POMP: variants seen among roughly 807,000 people sequenced by gnomAD.
POMP encodes proteasome maturation protein, also known as 2510048O06Rik.
POMP carries 12 observed loss-of-function variants against 20.6 expected under a neutral mutation model. The observed-to-expected ratio is 0.58, with a 90% confidence interval of 0.37 to 0.94. The LOEUF (loss-of-function observed/expected upper bound fraction) is 0.94. POMP is among the 40% of genes least tolerant of loss of function. POMP has a pLI of 0.01. For missense variants in POMP, 136 were observed against 161.1 expected (o/e 0.84, Z 0.84); for synonymous variants, 53 against 55.0 (o/e 0.96, Z 0.16).
chr13:28,659,542 G>A (rs1490476526), intron 1 of POMP, among the ~76,000 whole-genome samples: 1 of 152,104 alleles, frequency 6.6e-6, no homozygotes, highest in Non-Finnish European at 1.5e-5. Context: ...TGGCGCTGGC[G>A]ACCCTTTCCT....
At chr13:28,677,990 CTT>C (rs1566111772) in intron 5 of POMP, 43 bp from the exon 6 acceptor site, 2 of 1,574,614 alleles carry the variant, frequency 1.3e-6, no homozygotes, top group Admixed American at 1.7e-5. Flanking sequence ...GAATGTATCT[CTT>C]TTTTGAGAGT....
At chr13:28,669,906 G>C (rs142394003) in intron 4 of POMP, among the ~76,000 whole-genome samples, 174 of 152,168 alleles carry the variant, frequency 1.1e-3, no homozygotes, top group African/African-American at 4.0e-3. Flanking sequence ...AGGTGTTCAA[G>C]ACCAGCCTGG....
intron 4 of POMP, among the ~76,000 whole-genome samples, chr13:28,669,469 G>A (rs569545665): frequency 6.6e-6 from 1 of 152,176 alleles, no homozygotes; most frequent in African/African-American, 2.4e-5. Context: ...TCAAACTCCT[G>A]GGCTCAAGCA....
intron 5 of POMP, among the ~76,000 whole-genome samples, chr13:28,675,899 T>C (rs1363240150): frequency 6.6e-6 from 1 of 152,090 alleles, no homozygotes; most frequent in African/African-American, 2.4e-5. Context: ...CCAGAACTTG[T>C]GTGAACTCAG....
intron 4 of POMP, among the ~76,000 whole-genome samples, chr13:28,669,753 C>T (rs1481870915): frequency 6.6e-6 from 1 of 152,114 alleles, no homozygotes; most frequent in Admixed American, 6.5e-5. Context: ...TGTTAGTGCC[C>T]CATCTCTAGT....
At chr13:28,667,839 G>A (rs1884475535) in intron 3 of POMP, among the ~76,000 whole-genome samples, 1 of 152,160 alleles carries the variant, frequency 6.6e-6, no homozygotes, top group Non-Finnish European at 1.5e-5. Flanking sequence ...CATTTTGCCT[G>A]AAATACATTA....
chr13:28,662,525 G>T lies in POMP; in HGVS notation c.101+18G>T. On this transcript the variant is annotated intron_variant, in intron 2 of 5. Coordinates refer to ENST00000380842, the MANE Select transcript of POMP (RefSeq NM_015932.6). ...CGGAAAGGGTATATGGGGGAGTTAT[G>T]ACTTTGATTTTGTTATGTTTCTGTG... The T allele has an allele frequency of 6.4e-7, 1 of 1,563,030 alleles. No individual in the cohort carries two copies. The highest frequency in any genetic ancestry group is 1.1e-5 in the South Asian group (1 of 89,942).
At chr13:28,672,639 G>A (rs958520675) in intron 5 of POMP, among the ~76,000 whole-genome samples, 5 of 152,098 alleles carry the variant, frequency 3.3e-5, no homozygotes, top group African/African-American at 1.2e-4. Context: ...TGGCTCACGT[G>A]TAATCCCAGC....
intron 1 of POMP, 90 bp from the exon 2 acceptor site, chr13:28,662,320 C>T: frequency 1.1e-6 from 1 of 932,000 alleles, no homozygotes; most frequent in Non-Finnish European, 1.7e-6. Context: ...ATTTTTCTGT[C>T]TCCTACTTAA....
At chr13:28,672,205 A>G (rs1006663136) in intron 4 of POMP, 134 bp from the exon 5 acceptor site, 24 of 725,456 alleles carry the variant, frequency 3.3e-5, no homozygotes, top group Non-Finnish European at 4.4e-5. Context: ...GTTTTTTTCC[A>G]CTTGTTAAAT....
intron 4 of POMP, 41 bp from the exon 5 acceptor site, chr13:28,672,298 G>A: frequency 7.0e-7 from 1 of 1,427,358 alleles, no homozygotes; most frequent in Non-Finnish European, 9.9e-7. Context: ...ATTTTCCCCT[G>A]AGTTTTTTCT....
At chr13:28,672,489 T>A (rs1884566629) in intron 5 of POMP, 57 bp downstream of exon 5, 2 of 1,352,816 alleles carry the variant, frequency 1.5e-6, no homozygotes, top group Non-Finnish European at 2.1e-6. Context: ...GGCAAACAGC[T>A]GCAAAAAGAA....
At chr13:28,674,096 A>C (rs1771187) in intron 5 of POMP, among the ~76,000 whole-genome samples, 6,766 of 152,300 alleles carry the variant, frequency 0.044, 506 homozygotes, top group African/African-American at 0.15. Context: ...TGTTCAGGGT[A>C]TGTAACCTGA....
chr13:28,666,350 A>G (rs1265670899), intron 3 of POMP, among the ~76,000 whole-genome samples: 1 of 152,142 alleles, frequency 6.6e-6, no homozygotes, highest in Non-Finnish European at 1.5e-5. Flanking sequence ...AAATCAAGGG[A>G]GATTATATTA....
chr13:28,673,551 TAA>T (rs1379978464), intron 5 of POMP, among the ~76,000 whole-genome samples: 1 of 152,210 alleles, frequency 6.6e-6, no homozygotes, highest in African/African-American at 2.4e-5. Context: ...CCAACAGGAT[TAA>T]GTTTTATTAG....
chr13:28,678,315 A>T lies in POMP; in HGVS notation c.*213A>T. 3 of 548,974 alleles carry T rather than the reference A, an allele frequency of 5.5e-6. No individual in the cohort carries two copies. The highest frequency in any genetic ancestry group is 9.8e-6 in the Non-Finnish European group (3 of 307,134). 34.0% of individuals were successfully genotyped at this position (548,974 alleles called of 1,614,324 possible). ...GATCATGTTAAAGCTCTTAATTTAT[A>T]TTAAAACAGTAGCCTTTGTCTTTAA... On this transcript the variant is annotated 3_prime_UTR_variant, in exon 6 of 6. Transcript: ENST00000380842.
rs1361236239 is a variant in POMP at position 28,669,481 on chromosome 13, TC to T, written c.264+909del. Among the ~76,000 whole-genome samples, 3 of 152,266 alleles carry T rather than the reference TC, an allele frequency of 2.0e-5. No homozygotes were observed. In the East Asian group the frequency reaches 5.8e-4, roughly 29 times the overall value. ...TCCTCAAACTCCTGGGCTCAAGCAA[TC>T]CTCTTGCCTCACTCTCCTGAGTAGC... On this transcript the variant is annotated intron_variant, in intron 4 of 5. Coordinates refer to ENST00000380842, the MANE Select transcript of POMP (RefSeq NM_015932.6).
chr13:28,675,177 G>T (rs967047321), intron 5 of POMP, among the ~76,000 whole-genome samples: 1 of 150,570 alleles, frequency 6.6e-6, no homozygotes, highest in African/African-American at 2.5e-5. Flanking sequence ...GTCTAGCTCT[G>T]TCACCCAGGC....
At chr13:28,674,098 G>A (rs1295654675) in intron 5 of POMP, among the ~76,000 whole-genome samples, 1 of 152,228 alleles carries the variant, frequency 6.6e-6, no homozygotes, top group Non-Finnish European at 1.5e-5. Context: ...TTCAGGGTAT[G>A]TAACCTGAGA....
Sources: gnomAD v4.1 joint callset for allele counts (sites outside exome capture counted in the v4.1 genomes callset) on GRCh38, gnomAD v4.1.1 for gene constraint, MANE v1.5 for transcripts, NCBI Gene and HGNC (gene_info 2026-07-23, HGNC 2026-07-21) for gene names.